Variants in HNRNPR observed in about 807,000 individuals in gnomAD.
HNRNPR encodes the protein heterogeneous nuclear ribonucleoprotein R.
A neutral mutation model predicts 70.3 loss-of-function variants in HNRNPR; 4 were observed. That is an observed-to-expected ratio of 0.06 (90% CI 0.03 to 0.13). The LOEUF (loss-of-function observed/expected upper bound fraction) is 0.13. HNRNPR is among the 10% of genes least tolerant of loss of function. The pLI is 1.00. For missense variants in HNRNPR, 423 were observed against 788.5 expected, an observed-to-expected ratio of 0.54 and a Z score of 5.55; for synonymous variants, 241 against 267.6, an observed-to-expected ratio of 0.90 and a Z score of 0.97.
intron 6 of HNRNPR, 136 bp from the exon 7 acceptor site, chr1:23,321,799 T>A (rs1470487436): frequency 1.3e-6 from 1 of 760,162 alleles, no homozygotes; most frequent in Non-Finnish European, 2.0e-6. Context: ...ATGCTTTCCA[T>A]AATATGAATG....
chr1:23,324,567 CTAAATAAA>C (rs544734128), intron 5 of HNRNPR, among the ~76,000 whole-genome samples: 2 of 151,640 alleles, frequency 1.3e-5, no homozygotes, highest in African/African-American at 2.4e-5. Context: ...GACTCCATCT[CTAAATAAA>C]TAAATAAATA....
intron 7 of HNRNPR, among the ~76,000 whole-genome samples, chr1:23,319,969 A>G (rs1645693217): frequency 6.6e-6 from 1 of 152,256 alleles, no homozygotes; most frequent in South Asian, 2.1e-4. Flanking sequence ...GATAGTAGCT[A>G]TTCTCTAGCT....
intron 1 of HNRNPR, among the ~76,000 whole-genome samples, chr1:23,341,603 T>C (rs748283507): frequency 5.9e-5 from 9 of 152,138 alleles, no homozygotes; most frequent in Non-Finnish European, 1.0e-4. Context: ...ATTTTTGTTC[T>C]AAGATTAATT....
intron 8 of HNRNPR, among the ~76,000 whole-genome samples, chr1:23,317,230 G>A (rs765290375): frequency 2.6e-5 from 4 of 152,054 alleles, no homozygotes; most frequent in Non-Finnish European, 4.4e-5. Flanking sequence ...AGGCCGAGGC[G>A]GGCGGTTCAC....
chr1:23,323,870 T>G (rs1364849056), intron 5 of HNRNPR, 138 bp from the exon 6 acceptor site: 1 of 694,624 alleles, frequency 1.4e-6, no homozygotes, highest in African/African-American at 1.8e-5. Context: ...AACTTACAGT[T>G]GACTTGCAGA....
Position 23,305,525 on chromosome 1 carries a change from T to G in HNRNPR, c.*4929A>C, listed in dbSNP as rs1266272646. On this transcript the variant is annotated 3_prime_UTR_variant, in exon 11 of 11. Transcript: ENST00000302271. ...CAGTGCTGTAAGAATACTGAGAAGG[T>G]TCTTCAGGCATGAAAATCCATAATT... The G allele has an allele frequency of 6.6e-6, 1 of 152,166 alleles. No individual in the cohort carries two copies. The highest frequency in any genetic ancestry group is 1.5e-5 in the Non-Finnish European group (1 of 68,002). The allele number at this position is 152,166 out of a possible 1,614,324, so 9.4% of individuals were successfully genotyped here. A position where few individuals can be genotyped will look rare whatever the true frequency, so the allele number is the denominator to read the frequency against.
At chr1:23,325,691 C>T (rs1645944592) in intron 5 of HNRNPR, among the ~76,000 whole-genome samples, 1 of 152,186 alleles carries the variant, frequency 6.6e-6, no homozygotes, top group Non-Finnish European at 1.5e-5. Context: ...TTTCTTCTTA[C>T]CACTTTCTGG....
At chr1:23,342,939 A>T (rs1398889662) in intron 1 of HNRNPR, among the ~76,000 whole-genome samples, 1 of 152,240 alleles carries the variant, frequency 6.6e-6, no homozygotes, top group East Asian at 1.9e-4. Flanking sequence ...AATTTTCAAA[A>T]AAAGTTTGTA....
intron 9 of HNRNPR, among the ~76,000 whole-genome samples, chr1:23,313,033 A>G (rs1205858344): frequency 6.6e-6 from 1 of 152,192 alleles, no homozygotes; most frequent in Non-Finnish European, 1.5e-5. Flanking sequence ...ACTATTATAC[A>G]CAAGTGATAT....
chr1:23,313,837 G>T, intron 8 of HNRNPR, 135 bp from the exon 9 acceptor site: 1 of 970,570 alleles, frequency 1.0e-6, no homozygotes, highest in Non-Finnish European at 1.5e-6. Flanking sequence ...GGTAGTAAGA[G>T]AAATTGCTAG....
At chr1:23,329,935 G>A (rs935611873) in intron 5 of HNRNPR, among the ~76,000 whole-genome samples, 11 of 152,084 alleles carry the variant, frequency 7.2e-5, no homozygotes, top group Non-Finnish European at 1.6e-4. Context: ...CCAGCCAACA[G>A]AGTCTTTTGG....
At chr1:23,335,883 T>C (rs113672317) in intron 4 of HNRNPR, among the ~76,000 whole-genome samples, 8,800 of 139,546 alleles carry the variant, frequency 0.063, 814 homozygotes, top group African/African-American at 0.21. Context: ...TTTGGGAGGC[T>C]GAGGCGGGCG....
Position 23,340,943 on chromosome 1 carries a change from G to C in HNRNPR, c.66C>G (p.Ser22=), listed in dbSNP as rs750551243. 1.2e-6 allele frequency: 2 copies of C among 1,612,956 alleles called. No homozygotes were observed. The highest frequency in any genetic ancestry group is 1.7e-6 in the Non-Finnish European group (2 of 1,179,170). ...LKEEEEPMDT[S]SVTHTEHYKT... ...TGTAGTGTTCTGTGTGAGTTACACT[G>C]GAAGTATCCATTGGTTCTTCCTCTT... Residue 22 remains serine, a synonymous_variant, in exon 2 of 11, where the codon TCC becomes TCG. Transcript: ENST00000302271.
intron 9 of HNRNPR, among the ~76,000 whole-genome samples, chr1:23,312,593 G>A (rs1645378153): frequency 6.6e-6 from 1 of 152,180 alleles, no homozygotes; most frequent in African/African-American, 2.4e-5. Flanking sequence ...TCTTGGACAA[G>A]TTATGAATTT....
intron 6 of HNRNPR, 143 bp from the exon 7 acceptor site, chr1:23,321,806 A>C (rs1645768623): frequency 1.4e-6 from 1 of 718,944 alleles, no homozygotes. Context: ...CCATAATATG[A>C]ATGTATATTT....
chr1:23,331,612 G>A (rs986569002), intron 5 of HNRNPR, among the ~76,000 whole-genome samples: 1 of 151,522 alleles, frequency 6.6e-6, no homozygotes, highest in Non-Finnish European at 1.5e-5. Context: ...GCTTGAACCC[G>A]GGAGGCAGAG....
intron 1 of HNRNPR, 62 bp downstream of exon 1, chr1:23,344,149 G>A (rs1369897003): frequency 6.6e-6 from 1 of 152,106 alleles, no homozygotes; most frequent in African/African-American, 2.4e-5. Flanking sequence ...ACGGAGCCCG[G>A]GCTGAGTCGG....
At position 23,318,429 on chromosome 1, in the gene HNRNPR, T is replaced by C; in HGVS notation, c.1017+54A>G. ...AACTCAAAATATTTGAGCTTTATTC[T>C]GAGTACAAAATTTAAATGATGACCC... On this transcript the variant is annotated intron_variant, in intron 8 of 10. Transcript: ENST00000302271. This position sits in a 1 kb window ranked among gnomAD's most constrained non-coding sequence, Gnocchi z 4.2. 1 of 1,404,772 alleles carries C rather than the reference T, an allele frequency of 7.1e-7. No individual in the cohort carries two copies. Among genetic ancestry groups the C allele is most frequent in the Non-Finnish European group, 1.0e-6 (1 of 996,008 alleles). The allele number at this position is 1,404,772 out of a possible 1,614,324, so 87.0% of individuals were successfully genotyped here. A position where few individuals can be genotyped will look rare whatever the true frequency, so the allele number is the denominator to read the frequency against.
chr1:23,331,199 T>C (rs988484174), intron 5 of HNRNPR, among the ~76,000 whole-genome samples: 2 of 152,160 alleles, frequency 1.3e-5, no homozygotes, highest in Non-Finnish European at 2.9e-5. Flanking sequence ...AAAGGAACAA[T>C]GCAATCTAAG....
Sources: allele counts gnomAD v4.1 joint callset (sites outside exome capture counted in the v4.1 genomes callset), GRCh38; gene constraint gnomAD v4.1.1; non-coding constraint Gnocchi (gnomAD v3.1); transcripts MANE v1.5; gene names NCBI Gene and HGNC (gene_info 2026-07-23, HGNC 2026-07-21).